Variants in SPG21 observed in about 807,000 individuals in gnomAD.
The protein encoded by SPG21 is SPG21 abhydrolase domain containing, maspardin.
SPG21 carries 26 observed loss-of-function variants against 38.9 expected under a neutral mutation model. That is an observed-to-expected ratio of 0.67 (90% CI 0.49 to 0.93). The LOEUF is 0.93. Ranked by LOEUF, SPG21 falls within the 40% of genes least tolerant of loss-of-function variation. The probability of loss-of-function intolerance (pLI) is 0.00; values close to 1 mark genes in which losing one functional copy is unlikely to be tolerated. For synonymous variants in SPG21, 136 were observed against 128.9 expected, an observed-to-expected ratio of 1.05 and a Z score of -0.37; for missense variants, 333 against 376.5, an observed-to-expected ratio of 0.88 and a Z score of 0.96.
At chr15:64,980,289 G>A (rs968079769) in intron 3 of SPG21, among the ~76,000 whole-genome samples, 4 of 152,294 alleles carry the variant, frequency 2.6e-5, no homozygotes, top group South Asian at 4.1e-4. Flanking sequence ...AGAGAAGGGC[G>A]TCAGGAGAGA....
intron 1 of SPG21, among the ~76,000 whole-genome samples, chr15:64,985,668 G>A (rs753420862): frequency 2.3e-4 from 35 of 152,126 alleles, no homozygotes; most frequent in Admixed American, 1.2e-3. Flanking sequence ...CCTAACTCCC[G>A]GGCTGACTCT....
At chr15:64,970,280 C>T in intron 5 of SPG21, 58 bp from the exon 6 acceptor site, 1 of 1,374,194 alleles carries the variant, frequency 7.3e-7, no homozygotes, top group Non-Finnish European at 1.0e-6. Context: ...GGCAAATATT[C>T]ATTCAACATT....
At chr15:64,985,956 A>G (rs1339070023) in intron 1 of SPG21, among the ~76,000 whole-genome samples, 1 of 152,248 alleles carries the variant, frequency 6.6e-6, no homozygotes, top group African/African-American at 2.4e-5. Context: ...TGTTAAAATC[A>G]TAAGTTGCTT....
In SPG21 at chr15:64,963,545, T is replaced by C. The variant is rs74019392; in HGVS notation, c.*75A>G. 1 allele frequency: 1,257,921 copies of C among 1,261,402 alleles called. 627,289 individuals are homozygous for C. The highest frequency in any genetic ancestry group is 1 in the East Asian group (42,861 of 42,862). 78.1% of individuals were successfully genotyped at this position (1,261,402 alleles called of 1,614,324 possible). Reference sequence around the variant, plus strand: ...GCCTGACGAACCTGAAGGAAAAGGCTGGCTGACGGGTGCTGATGCCACTGA... The same window carrying C: ...GCCTGACGAACCTGAAGGAAAAGGCCGGCTGACGGGTGCTGATGCCACTGA... On this transcript the variant is annotated 3_prime_UTR_variant, in exon 9 of 9. Transcript: ENST00000204566.
Position 64,983,475 on chromosome 15 carries a change from G to A in SPG21, c.63+32C>T, listed in dbSNP as rs369988556. ...ACACACAAAAACAATACAAGATTTT[G>A]CAAATAAGAGGTATAGTAAAACCAT... On this transcript the variant is annotated intron_variant, in intron 2 of 8. Coordinates refer to ENST00000204566, the MANE Select transcript of SPG21 (RefSeq NM_016630.7). The A allele has an allele frequency of 1.0e-4, 144 of 1,437,374 alleles. No individual in the cohort carries two copies. The Middle Eastern group carries it at 1.8e-3, about 18-fold the overall frequency. The allele number at this position is 1,437,374 out of a possible 1,614,324, so 89.0% of individuals were successfully genotyped here. A position where few individuals can be genotyped will look rare whatever the true frequency, so the allele number is the denominator to read the frequency against.
chr15:64,985,033 G>A (rs2085963606), intron 1 of SPG21, among the ~76,000 whole-genome samples: 1 of 152,168 alleles, frequency 6.6e-6, no homozygotes, highest in South Asian at 2.1e-4. Context: ...ACAGGCATGA[G>A]CCACCGTGCC....
At position 64,983,277 on chromosome 15, in the gene SPG21, T is replaced by G. The variant is rs2085919223; in HGVS notation, c.63+230A>C. 1.3e-5 allele frequency: 3 copies of G among 237,738 alleles called. No individual in the cohort carries two copies. In the East Asian group the frequency reaches 2.4e-4, roughly 19 times the overall value. The allele number at this position is 237,738 out of a possible 1,614,324, so 14.7% of individuals were successfully genotyped here. A position where few individuals can be genotyped will look rare whatever the true frequency, so the allele number is the denominator to read the frequency against. ...ACTCCATCTCAAAAATAAATATAAA[T>G]AAATAAATAAATAAAAATGAGTACA... On this transcript the variant is annotated intron_variant, in intron 2 of 8. Coordinates refer to ENST00000204566, the MANE Select transcript of SPG21 (RefSeq NM_016630.7).
intron 5 of SPG21, 90 bp downstream of exon 5, chr15:64,974,512 G>A: frequency 6.8e-7 from 1 of 1,467,324 alleles, no homozygotes; most frequent in African/African-American, 1.4e-5. Context: ...TATAGAAGTA[G>A]ATATAAGTCT....
intron 4 of SPG21, among the ~76,000 whole-genome samples, chr15:64,975,378 A>G (rs2085755202): frequency 6.6e-6 from 1 of 151,654 alleles, no homozygotes; most frequent in South Asian, 2.1e-4. Context: ...AAATACAAAA[A>G]TTAGCCAGGC....
intron 1 of SPG21, among the ~76,000 whole-genome samples, chr15:64,984,910 C>T (rs540697258): frequency 3.3e-5 from 5 of 151,938 alleles, no homozygotes; most frequent in Non-Finnish European, 5.9e-5. Flanking sequence ...CCACTGCGCC[C>T]GGCTAATTTT....
chr15:64,964,425 C>T (rs980328144), intron 8 of SPG21, among the ~76,000 whole-genome samples: 6 of 152,136 alleles, frequency 3.9e-5, no homozygotes, highest in Non-Finnish European at 8.8e-5. Flanking sequence ...GTTTAGGATC[C>T]TGTCTTCTAT....
chr15:64,970,470 T>A (rs1313008851), intron 5 of SPG21, among the ~76,000 whole-genome samples: 6 of 152,230 alleles, frequency 3.9e-5, no homozygotes, highest in Non-Finnish European at 7.3e-5. Flanking sequence ...ATACCTTTAC[T>A]GAGATAGACA....
At chr15:64,971,674 A>G (rs1292796272) in intron 5 of SPG21, among the ~76,000 whole-genome samples, 1 of 152,072 alleles carries the variant, frequency 6.6e-6, no homozygotes, top group Non-Finnish European at 1.5e-5. Flanking sequence ...CGTCTCTACT[A>G]AAAATACAAA....
intron 7 of SPG21, among the ~76,000 whole-genome samples, chr15:64,968,663 TAAAAA>T (rs2085596552): frequency 4.0e-5 from 5 of 126,248 alleles, no homozygotes; most frequent in Admixed American, 3.9e-4. Flanking sequence ...ACTATGCACT[TAAAAA>T]TGGTTAAAAT....
intron 8 of SPG21, among the ~76,000 whole-genome samples, chr15:64,964,755 C>T (rs1274765828): frequency 2.0e-5 from 3 of 152,012 alleles, no homozygotes; most frequent in Non-Finnish European, 2.9e-5. Context: ...CTCAGCCTCC[C>T]GAGTAGCTGG....
intron 7 of SPG21, among the ~76,000 whole-genome samples, chr15:64,968,737 T>C (rs1345706758): frequency 6.6e-6 from 1 of 152,160 alleles, no homozygotes; most frequent in Middle Eastern, 3.2e-3. Flanking sequence ...TTTGTGGTAA[T>C]TAAACTATGG....
chr15:64,972,954 A>G (rs192142672), intron 5 of SPG21, among the ~76,000 whole-genome samples: 2 of 152,178 alleles, frequency 1.3e-5, no homozygotes, highest in Admixed American at 6.5e-5. Flanking sequence ...GATCATACAG[A>G]TGTGTTTACT....
chr15:64,979,258 C>T (rs1407418561), intron 3 of SPG21, among the ~76,000 whole-genome samples: 1 of 152,176 alleles, frequency 6.6e-6, no homozygotes, highest in Admixed American at 6.5e-5. Context: ...AAACACACTG[C>T]TGGACAGCAC....
At chr15:64,986,619 C>T (rs1376567123) in intron 1 of SPG21, among the ~76,000 whole-genome samples, 6 of 151,118 alleles carry the variant, frequency 4.0e-5, no homozygotes, top group Non-Finnish European at 5.9e-5. Context: ...ACCCAGGAGG[C>T]GGAGGTTGCA....
Sources: allele counts gnomAD v4.1 joint callset (sites outside exome capture counted in the v4.1 genomes callset), GRCh38; gene constraint gnomAD v4.1.1; transcripts MANE v1.5; gene names NCBI Gene and HGNC (gene_info 2026-07-23, HGNC 2026-07-21).